The following ATXN10 variants were observed in gnomAD, a reference collection of about 807,000 sequenced individuals.
ATXN10 encodes the protein ataxin 10.
Under a neutral mutation model 52.9 loss-of-function variants are expected in ATXN10, and 28 were observed. That is an observed-to-expected ratio of 0.53 (90% CI 0.39 to 0.73). ATXN10 has a LOEUF of 0.73. Ranked by LOEUF, ATXN10 falls within the 30% of genes least tolerant of loss-of-function variation. The pLI is 0.00. For missense variants in ATXN10, 565 were observed against 577.0 expected (o/e 0.98, Z 0.21); for synonymous variants, 226 against 221.5 (o/e 1.02, Z -0.18).
intron 9 of ATXN10, among the ~76,000 whole-genome samples, chr22:45,758,497 C>T (rs1926257570): frequency 6.6e-6 from 1 of 152,206 alleles, no homozygotes; most frequent in African/African-American, 2.4e-5. Context: ...TCATCAGAAA[C>T]TGAAGTTTCC....
chr22:45,738,742 T>G lies in ATXN10; in HGVS notation c.906T>G (p.Ala302=). ...TCTTTTCTTTCTAGGAGGCACTGGCTACAATTAGGCTTCTCGACGTCCTGT... is the reference window on the plus strand; with the variant it reads ...TCTTTTCTTTCTAGGAGGCACTGGCGACAATTAGGCTTCTCGACGTCCTGT... ...EEPPDDEEAL[A]TIRLLDVLCE... Residue 302 remains alanine (A), a synonymous_variant, in exon 8 of 12, where the codon GCT becomes GCG. Transcript: ENST00000252934. The G allele has an allele frequency of 6.2e-7, 1 of 1,614,022 alleles. No homozygotes were observed. Among genetic ancestry groups the G allele is most frequent in the Non-Finnish European group, 8.5e-7 (1 of 1,179,912 alleles).
chr22:45,694,899 C>G (rs1025600129), intron 3 of ATXN10, among the ~76,000 whole-genome samples: 4 of 142,604 alleles, frequency 2.8e-5, no homozygotes, highest in African/African-American at 1.1e-4. Context: ...TGAGATCACG[C>G]CGCTGCACTC....
At chr22:45,745,841 C>G (rs147896218) in intron 9 of ATXN10, among the ~76,000 whole-genome samples, 6 of 152,198 alleles carry the variant, frequency 3.9e-5, no homozygotes, top group Admixed American at 3.9e-4. Flanking sequence ...TCTGAAGATA[C>G]ACAGCAAGTA....
At chr22:45,827,411 A>G (rs772231187) in intron 10 of ATXN10, among the ~76,000 whole-genome samples, 8 of 152,240 alleles carry the variant, frequency 5.3e-5, no homozygotes, top group Non-Finnish European at 8.8e-5. Flanking sequence ...ACTGTCTACA[A>G]GAGATTCAGT....
chr22:45,782,219 T>G (rs972413355), intron 9 of ATXN10, among the ~76,000 whole-genome samples: 2 of 152,224 alleles, frequency 1.3e-5, no homozygotes, highest in Non-Finnish European at 2.9e-5. Context: ...CCTATTGGCC[T>G]TAGTCCAGGA....
chr22:45,689,015 C>T (rs918141130), intron 1 of ATXN10, among the ~76,000 whole-genome samples: 1 of 152,100 alleles, frequency 6.6e-6, no homozygotes, highest in Non-Finnish European at 1.5e-5. Context: ...GGTACAACCA[C>T]AGGTTCATCT....
At chr22:45,751,749 AAAAAAT>A (rs1489775788) in intron 9 of ATXN10, among the ~76,000 whole-genome samples, 15 of 67,414 alleles carry the variant, frequency 2.2e-4, no homozygotes, top group South Asian at 6.1e-4. Flanking sequence ...GGAAAAAAAA[AAAAAAT>A]AAAAAAAAAA....
Position 45,708,357 on chromosome 22 carries a change from G to A in ATXN10, c.647+5510G>A, listed in dbSNP as rs1601599378. 6.6e-6 allele frequency among the ~76,000 whole-genome samples: 1 copy of A among 152,286 alleles called. No individual in the cohort carries two copies. Among genetic ancestry groups the A allele is most frequent in the African/African-American group, 2.4e-5 (1 of 41,568 alleles). ...CTGCCTCGTGCTGATCCTGTGATGT[G>A]TTGGTTGCTTTGTCTGTGTAATCTC... On this transcript the variant is annotated intron_variant, in intron 5 of 11. Coordinates refer to ENST00000252934, the MANE Select transcript of ATXN10 (RefSeq NM_013236.4). This position sits in a 1 kb window ranked among gnomAD's most constrained non-coding sequence, Gnocchi z 5.3.
In ATXN10 at chr22:45,774,680, C is replaced by T. The variant is rs1926891242; in HGVS notation, c.1174-32279C>T. 6.6e-6 allele frequency among the ~76,000 whole-genome samples: 1 copy of T among 152,090 alleles called. No individual in the cohort carries two copies. On this transcript the variant is annotated intron_variant, in intron 9 of 11. Transcript: ENST00000252934. This position sits in a 1 kb window ranked among gnomAD's most constrained non-coding sequence, Gnocchi z 6.2. ...GGACGCGGTGGCTCACGCTTATAAT[C>T]CTAGCACTTTGGGAGGCTGAGGTGA...
intron 9 of ATXN10, among the ~76,000 whole-genome samples, chr22:45,765,922 G>A: frequency 6.6e-6 from 1 of 152,014 alleles, no homozygotes; most frequent in East Asian, 1.9e-4. Context: ...TAATAGCCAG[G>A]AAATTCCCTG....
At chr22:45,822,734 T>G (rs1220705295) in intron 10 of ATXN10, among the ~76,000 whole-genome samples, 1 of 151,822 alleles carries the variant, frequency 6.6e-6, no homozygotes, top group East Asian at 1.9e-4. Flanking sequence ...GTTGGTCAGG[T>G]TGGTCTTGAA....
At position 45,681,619 on chromosome 22, in the gene ATXN10, C is replaced by A. The variant is rs1317519524; in HGVS notation, c.117-8093C>A. ...TGCCTGGTAAAACTCCAGCTCTGGT[C>A]AAATCCAACTTGTTACCTTTGCGAC... On this transcript the variant is annotated intron_variant, in intron 1 of 11. Transcript: ENST00000252934. This position sits in a 1 kb window ranked among gnomAD's most constrained non-coding sequence, Gnocchi z 4.2. Among the ~76,000 whole-genome samples the A allele has an allele frequency of 6.6e-6, 1 of 152,170 alleles. No individual in the cohort carries two copies. The highest frequency in any genetic ancestry group is 1.5e-5 in the Non-Finnish European group (1 of 68,030).
Position 45,684,799 on chromosome 22 carries a change from C to T in ATXN10, c.117-4913C>T, listed in dbSNP as rs371394327. On this transcript the variant is annotated intron_variant, in intron 1 of 11. Coordinates refer to ENST00000252934, the MANE Select transcript of ATXN10 (RefSeq NM_013236.4). This position sits in a 1 kb window ranked among gnomAD's most constrained non-coding sequence, Gnocchi z 4.1. ...GTGTGAAAAGAAGTTTTGAGTTCTG[C>T]GCAGATTTCAAAATTTTACCCTAGG... Among the ~76,000 whole-genome samples the T allele has an allele frequency of 5.6e-4, 86 of 152,306 alleles. 1 individual carries two copies. The highest frequency in any genetic ancestry group is 2.5e-3 in the East Asian group (13 of 5,192).
chr22:45,829,685 T>C (rs1875005251), intron 10 of ATXN10, among the ~76,000 whole-genome samples: 1 of 152,140 alleles, frequency 6.6e-6, no homozygotes, highest in African/African-American at 2.4e-5. Flanking sequence ...GGTGAAAGAC[T>C]TGTACCATGA....
chr22:45,713,123 G>C (rs189031804), intron 5 of ATXN10, among the ~76,000 whole-genome samples: 3 of 151,954 alleles, frequency 2.0e-5, no homozygotes, highest in African/African-American at 7.3e-5. Context: ...CTTTAGGACT[G>C]TCTCTGTTTA....
Position 45,763,361 on chromosome 22 carries a change from G to A in ATXN10, c.1173+22823G>A, listed in dbSNP as rs528397387. 6.6e-6 allele frequency among the ~76,000 whole-genome samples: 1 copy of A among 152,196 alleles called. No individual in the cohort carries two copies. The highest frequency in any genetic ancestry group is 2.4e-5 in the African/African-American group (1 of 41,446). On this transcript the variant is annotated intron_variant, in intron 9 of 11. Coordinates refer to ENST00000252934, the MANE Select transcript of ATXN10 (RefSeq NM_013236.4). This position sits in a 1 kb window ranked among gnomAD's most constrained non-coding sequence, Gnocchi z 6.9. Reference sequence around the variant, plus strand: ...GAGGCTGAGTGGGAGTGAAGGTTTCGTCAAGGTTACGAAAGGCCTTTGAGT... The same window carrying A: ...GAGGCTGAGTGGGAGTGAAGGTTTCATCAAGGTTACGAAAGGCCTTTGAGT...
rs898021733 is a variant in ATXN10, at chr22:45,820,917, A to G, written c.1237+13895A>G. Among the ~76,000 whole-genome samples, 2 of 152,194 alleles carry G rather than the reference A, an allele frequency of 1.3e-5. No individual in the cohort carries two copies. The highest frequency in any genetic ancestry group is 2.9e-5 in the Non-Finnish European group (2 of 68,028). On this transcript the variant is annotated intron_variant, in intron 10 of 11. Transcript: ENST00000252934. This position sits in a 1 kb window ranked among gnomAD's most constrained non-coding sequence, Gnocchi z 4.9. The stretch of plus-strand genomic sequence containing the variant: ...AAGCCAGGGAAAAGCACGAATAGAA[A>G]TGGTTCGAGTTTCTATGAGAAGGAC...
intron 1 of ATXN10, chr22:45,673,906 T>G (rs1373563151): frequency 6.6e-6 from 1 of 152,184 alleles, no homozygotes; most frequent in Non-Finnish European, 1.5e-5. Context: ...AGACATTTAG[T>G]CAGACATCAG....
chr22:45,752,611 GC>G (rs1926022832), intron 9 of ATXN10, among the ~76,000 whole-genome samples: 2 of 152,048 alleles, frequency 1.3e-5, no homozygotes, highest in East Asian at 3.9e-4. Context: ...CAGAGAGCTG[GC>G]CCCTTGGCTG....
Sources: gnomAD v4.1 joint callset for allele counts (sites outside exome capture counted in the v4.1 genomes callset) on GRCh38, gnomAD v4.1.1 for gene constraint, Gnocchi (gnomAD v3.1) non-coding constraint, MANE v1.5 for transcripts, NCBI Gene and HGNC (gene_info 2026-07-23, HGNC 2026-07-21) for gene names.